ADGRV1: variants seen among roughly 807,000 people sequenced by gnomAD.
ADGRV1 encodes the protein adhesion G protein-coupled receptor V1.
A neutral mutation model predicts 596.2 loss-of-function variants in ADGRV1; 359 were observed. That is an observed-to-expected ratio of 0.60 (90% CI 0.55 to 0.66). The LOEUF (loss-of-function observed/expected upper bound fraction) is 0.66, where lower values mean the gene tolerates loss of function less well. ADGRV1 is among the 30% of genes least tolerant of loss of function. ADGRV1 has a pLI of 0.00. For synonymous variants in ADGRV1, 2,681 were observed against 2,679.2 expected (o/e 1.00, Z -0.02); for missense variants, 7,274 against 7,575.6 (o/e 0.96, Z 1.48).
In ADGRV1 at chr5:91,072,449, G is replaced by A. The variant is rs780024141; in HGVS notation, c.18155G>A (p.Cys6052Tyr). 1.2e-6 allele frequency: 2 copies of A among 1,613,194 alleles called. No homozygotes were observed. The highest frequency in any genetic ancestry group is 1.1e-5 in the South Asian group (1 of 91,072). Residue 6052 changes from cysteine to tyrosine, a missense_variant and splice_region_variant, in exon 86 of 90, where the codon TGT (cysteine) becomes TAT (tyrosine). Transcript: ENST00000405460. ...QIYGLIHGDL[C>Y]FIPNVYAALF... ...ACTTCTTCTCATTTCTCTTCCAGGTGTTTTATTCCAAACGTCTATGCTGCT... is the reference window on the plus strand; with the variant it reads ...ACTTCTTCTCATTTCTCTTCCAGGTATTTTATTCCAAACGTCTATGCTGCT...
chr5:91,139,250 G>A (rs1338665792), intron 87 of ADGRV1, among the ~76,000 whole-genome samples: 3 of 152,144 alleles, frequency 2.0e-5, no homozygotes, highest in South Asian at 2.1e-4. Flanking sequence ...CCTTTGATAC[G>A]AAGTTCCATT....
At chr5:91,035,657 A>G (rs1026880093) in intron 85 of ADGRV1, among the ~76,000 whole-genome samples, 1 of 151,464 alleles carries the variant, frequency 6.6e-6, no homozygotes, top group Non-Finnish European at 1.5e-5. Flanking sequence ...GATATGAATG[A>G]TATAGATGAA....
chr5:90,926,455 A>G (rs1774466309), intron 83 of ADGRV1, among the ~76,000 whole-genome samples: 2 of 148,628 alleles, frequency 1.3e-5, no homozygotes, highest in Admixed American at 1.3e-4. Flanking sequence ...GGTAGTTTGT[A>G]TTTCTGTGGG....
chr5:90,952,476 C>T (rs1350948646), intron 83 of ADGRV1, among the ~76,000 whole-genome samples: 1 of 152,114 alleles, frequency 6.6e-6, no homozygotes, highest in Admixed American at 6.6e-5. Flanking sequence ...TCATGATAAA[C>T]ACTGGAGTCT....
intron 16 of ADGRV1, among the ~76,000 whole-genome samples, chr5:90,646,758 A>G (rs1580580179): frequency 2.2e-5 from 3 of 135,212 alleles, no homozygotes; most frequent in South Asian, 4.9e-4. Context: ...ATTGATTTGT[A>G]TTCTTTCTTT....
In ADGRV1 at chr5:90,802,725, C is replaced by G. The variant is rs1761503493; in HGVS notation, c.14518-14C>G. Reference sequence around the variant, plus strand: ...GAAAATTATTTCTAAATCACTGACACTGTTTGTTTATAGGTCTTCCTATCA... The same window carrying G: ...GAAAATTATTTCTAAATCACTGACAGTGTTTGTTTATAGGTCTTCCTATCA... On this transcript the variant is annotated splice_polypyrimidine_tract_variant and intron_variant, in intron 70 of 89. Coordinates refer to ENST00000405460, the MANE Select transcript of ADGRV1 (RefSeq NM_032119.4). 1 of 1,603,868 alleles carries G rather than the reference C, an allele frequency of 6.2e-7. No individual in the cohort carries two copies. The highest frequency in any genetic ancestry group is 1.7e-5 in the Admixed American group (1 of 59,042).
At chr5:90,899,249 A>G (rs1243602856) in intron 83 of ADGRV1, 4 of 152,228 alleles carry the variant, frequency 2.6e-5, no homozygotes, top group Non-Finnish European at 4.4e-5. Context: ...GCAGAAATAT[A>G]TCAGATAGCA....
At chr5:91,011,043 C>T (rs966379942) in intron 85 of ADGRV1, among the ~76,000 whole-genome samples, 4 of 151,858 alleles carry the variant, frequency 2.6e-5, no homozygotes, top group East Asian at 1.9e-4. Context: ...GAACAATATA[C>T]GTCAATCTAC....
At chr5:90,709,121 C>T in intron 39 of ADGRV1, among the ~76,000 whole-genome samples, 1 of 152,212 alleles carries the variant, frequency 6.6e-6, no homozygotes, top group East Asian at 1.9e-4. Flanking sequence ...GTGTGATGCT[C>T]TTTAAATTTT....
intron 71 of ADGRV1, among the ~76,000 whole-genome samples, chr5:90,803,440 GCTGTTAT>G (rs1465020011): frequency 1.6e-4 from 24 of 152,136 alleles, no homozygotes; most frequent in African/African-American, 5.3e-4. Context: ...AAAAGACAAG[GCTGTTAT>G]CTGTGGCTAT....
chr5:91,050,817 C>T (rs965655957), intron 85 of ADGRV1, among the ~76,000 whole-genome samples: 2 of 152,208 alleles, frequency 1.3e-5, no homozygotes, highest in African/African-American at 2.4e-5. Flanking sequence ...TGCAGTTGTA[C>T]TGCTGCATTC....
At chr5:90,788,863 GACACACACACAC>G (rs70973708) in intron 68 of ADGRV1, among the ~76,000 whole-genome samples, 3 of 146,938 alleles carry the variant, frequency 2.0e-5, no homozygotes, top group African/African-American at 5.0e-5. Context: ...CACAGACACA[GACACACACACAC>G]ACACACACAC....
intron 85 of ADGRV1, among the ~76,000 whole-genome samples, chr5:90,985,733 G>A (rs1219195728): frequency 6.6e-6 from 1 of 152,156 alleles, no homozygotes; most frequent in East Asian, 1.9e-4. Context: ...GTGAGTTGGT[G>A]TATCAAACAG....
At chr5:90,653,179 G>C (rs1233809395) in intron 19 of ADGRV1, 30 bp from the exon 20 acceptor site, 5 of 1,542,154 alleles carry the variant, frequency 3.2e-6, no homozygotes, top group Non-Finnish European at 4.4e-6. Context: ...TGAAATTCTA[G>C]TTTCTCACTC....
chr5:91,098,289 A>C (rs1461279536), intron 86 of ADGRV1, among the ~76,000 whole-genome samples: 14 of 147,294 alleles, frequency 9.5e-5, no homozygotes, highest in Non-Finnish European at 1.5e-5. Flanking sequence ...ACCAACTTTC[A>C]TCACCATCAC....
At chr5:90,659,924 C>T (rs1032449931) in intron 21 of ADGRV1, among the ~76,000 whole-genome samples, 2 of 151,556 alleles carry the variant, frequency 1.3e-5, no homozygotes, top group Admixed American at 6.6e-5. Context: ...GCCAGCTACT[C>T]GTGAAGCTGA....
At chr5:90,979,621 A>G (rs1779924960) in intron 84 of ADGRV1, among the ~76,000 whole-genome samples, 1 of 152,242 alleles carries the variant, frequency 6.6e-6, no homozygotes, top group African/African-American at 2.4e-5. Context: ...ATAAGAGGGC[A>G]TGGTAAGATG....
At chr5:91,014,511 T>TTTTTTTG (rs1783017887) in intron 85 of ADGRV1, among the ~76,000 whole-genome samples, 1 of 151,522 alleles carries the variant, frequency 6.6e-6, no homozygotes. Context: ...GTCCTGGGAG[T>TTTTTTTG]TTTTTTGTTT....
chr5:90,629,491 A>G lies in ADGRV1; in HGVS notation c.1791A>G (p.Pro597=), dbSNP rs1170672891. The change falls in exon 9 of 90, where the codon CCA becomes CCG. Residue 597 remains proline (P), a synonymous_variant. Transcript: ENST00000405460. ...EQKTQVTTKL[P]IRNDAFLQNG... is the part of the protein sequence containing the mutation. ...AAACTCAAGTCACTACAAAATTACCAATAAGAAATGATGCATTCCTTCAAA... is the reference window on the plus strand; with the variant it reads ...AAACTCAAGTCACTACAAAATTACCGATAAGAAATGATGCATTCCTTCAAA... The G allele has an allele frequency of 1.2e-6, 2 of 1,613,284 alleles. No homozygotes were observed. Among genetic ancestry groups the G allele is most frequent in the Non-Finnish European group, 1.7e-6 (2 of 1,179,704 alleles).
Sources: gnomAD v4.1 joint callset for allele counts (sites outside exome capture counted in the v4.1 genomes callset) on GRCh38, gnomAD v4.1.1 for gene constraint, MANE v1.5 for transcripts, NCBI Gene and HGNC (gene_info 2026-07-23, HGNC 2026-07-21) for gene names.